Variants in SPATA1 observed in about 807,000 individuals in gnomAD.
The protein encoded by SPATA1 is spermatogenesis associated 1.
A neutral mutation model predicts 59.6 loss-of-function variants in SPATA1; 57 were observed. The ratio of observed to expected loss-of-function variants is 0.96; its 90% confidence interval spans 0.77 to 1.19. The LOEUF is 1.19. Ranked by LOEUF, SPATA1 falls within the 50% of genes most tolerant of loss-of-function variation. The probability of loss-of-function intolerance (pLI) is 0.00; values close to 1 mark genes in which losing one functional copy is unlikely to be tolerated. For synonymous variants in SPATA1, 147 were observed against 163.9 expected, an observed-to-expected ratio of 0.90 and a Z score of 0.79; for missense variants, 448 against 480.7, an observed-to-expected ratio of 0.93 and a Z score of 0.64.
chr1:84,555,075 T>C, downstream of SPATA1: 1 of 1,613,962 alleles, frequency 6.2e-7, no homozygotes, highest in Non-Finnish European at 8.5e-7. Flanking sequence ...ATCTCCAGAG[T>C]AGTCAAGACA....
At chr1:84,531,590 T>C (rs2101968211) in intron 6 of SPATA1, among the ~76,000 whole-genome samples, 1 of 149,858 alleles carries the variant, frequency 6.7e-6, no homozygotes, top group Non-Finnish European at 1.5e-5. Flanking sequence ...TTTTTTTTTT[T>C]TGAGACAGGG....
At chr1:84,530,510 A>G (rs1683425671) in intron 6 of SPATA1, among the ~76,000 whole-genome samples, 1 of 152,190 alleles carries the variant, frequency 6.6e-6, no homozygotes, top group Admixed American at 6.5e-5. Flanking sequence ...ATGGGAAGCA[A>G]TCTGAAGTTT....
In SPATA1 at chr1:84,526,754, G is replaced by A. The variant is rs147452076; in HGVS notation, c.544+681G>A. 1.9e-4 allele frequency among the ~76,000 whole-genome samples: 29 copies of A among 151,790 alleles called. No individual in the cohort carries two copies. The East Asian group carries it at 3.1e-3, about 16-fold the overall frequency. On this transcript the variant is annotated intron_variant, in intron 6 of 12. Transcript: ENST00000490879. ...CTGGTGGCACATGCCTGTAGTCCCA[G>A]CTACTCAGGAGACTGAAGCAGGAGG...
chr1:84,517,479 G>A (rs989760207), intron 2 of SPATA1, among the ~76,000 whole-genome samples: 4 of 152,014 alleles, frequency 2.6e-5, no homozygotes, highest in Non-Finnish European at 5.9e-5. Context: ...AACTGACATC[G>A]CCACTTGGAT....
At chr1:84,550,859 C>T in intron 12 of SPATA1, 1 of 990,198 alleles carries the variant, frequency 1.0e-6, no homozygotes, top group Non-Finnish European at 1.2e-6. Context: ...GTCTGATAAA[C>T]CACTGAGCTC....
chr1:84,561,828 G>T (rs556713367), intron 4 of SPATA1, among the ~76,000 whole-genome samples: 19 of 152,246 alleles, frequency 1.2e-4, no homozygotes, highest in African/African-American at 4.3e-4. Context: ...TTAAATTAAG[G>T]TATGTACTTT....
At chr1:84,561,938 AT>A (rs924794594) in intron 4 of SPATA1, among the ~76,000 whole-genome samples, 1 of 152,162 alleles carries the variant, frequency 6.6e-6, no homozygotes, top group Admixed American at 6.5e-5. Flanking sequence ...CACTTGCTTT[AT>A]TGCTATATTT....
intron 8 of SPATA1, among the ~76,000 whole-genome samples, chr1:84,543,096 A>C (rs1415476511): frequency 6.6e-6 from 1 of 152,190 alleles, no homozygotes; most frequent in Non-Finnish European, 1.5e-5. Flanking sequence ...CTCTCTCTCT[A>C]AAAGTATCTT....
intron 6 of SPATA1, among the ~76,000 whole-genome samples, chr1:84,532,518 G>A (rs981440079): frequency 6.6e-6 from 1 of 151,960 alleles, no homozygotes. Context: ...TTATATTTCA[G>A]GAAACCCCCA....
At chr1:84,550,809 A>G in intron 12 of SPATA1, 1 of 1,016,362 alleles carries the variant, frequency 9.8e-7, no homozygotes, top group Non-Finnish European at 1.2e-6. Flanking sequence ...TATATTCTCA[A>G]AAAAAATTTT....
chr1:84,555,056 G>A, downstream of SPATA1: 1 of 1,613,864 alleles, frequency 6.2e-7, no homozygotes, highest in Non-Finnish European at 8.5e-7. Flanking sequence ...TTTGCTGTTT[G>A]GCTACAGCAT....
intron 4 of SPATA1, among the ~76,000 whole-genome samples, chr1:84,562,256 CTGTG>C (rs1684609246): frequency 6.6e-6 from 1 of 152,150 alleles, no homozygotes; most frequent in Non-Finnish European, 1.5e-5. Context: ...ACATGTGCAT[CTGTG>C]TGTGTAATAT....
chr1:84,552,951 A>C, intron 12 of SPATA1: 1 of 908,980 alleles, frequency 1.1e-6, no homozygotes, highest in Non-Finnish European at 1.7e-6. Context: ...AAGCGGTTAC[A>C]AAAACCCTGT....
intron 1 of SPATA1, among the ~76,000 whole-genome samples, chr1:84,513,163 A>G (rs552716223): frequency 3.3e-4 from 51 of 152,312 alleles, no homozygotes; most frequent in African/African-American, 1.2e-3. Context: ...CTTGTTGCCC[A>G]GGCTAGAGTG....
Position 84,550,477 on chromosome 1 carries a change from C to T in SPATA1, c.1171C>T (p.Gln391Ter). The change falls in exon 12 of 13, where the codon CAG becomes TAG. Residue 391 changes from glutamine (Q) to a stop codon, truncating the protein, a stop_gained. Transcript: ENST00000490879. LOFTEE classifies it high-confidence loss of function. Reference sequence around the variant, plus strand: ...CACTGAGGTACAGCATGCAATTGACCAGCTTAAGAGAAAACTAGATACTGA... The same window carrying T: ...CACTGAGGTACAGCATGCAATTGACTAGCTTAAGAGAAAACTAGATACTGA... The T allele has an allele frequency of 6.4e-7, 1 of 1,566,016 alleles. No individual in the cohort carries two copies. The highest frequency in any genetic ancestry group is 8.7e-7 in the Non-Finnish European group (1 of 1,154,702).
rs1026112722 is a variant in SPATA1, at chr1:84,549,046, T to C, written c.1125+82T>C. 8 of 1,292,226 alleles carry C rather than the reference T, an allele frequency of 6.2e-6. No individual in the cohort carries two copies. In the East Asian group the frequency reaches 1.4e-4, roughly 22 times the overall value. The allele number at this position is 1,292,226 out of a possible 1,614,324, so 80.0% of individuals were successfully genotyped here. On this transcript the variant is annotated intron_variant, in intron 11 of 12. Coordinates refer to ENST00000490879, the Ensembl canonical transcript of SPATA1. ...TATAAGTGCTAGTAGTATCACAAGA[T>C]GCATTAGGCTAACTTTGACTTAAAC...
At chr1:84,519,226 A>C (rs1682919637) in intron 2 of SPATA1, among the ~76,000 whole-genome samples, 2 of 152,096 alleles carry the variant, frequency 1.3e-5, no homozygotes, top group South Asian at 4.1e-4. Flanking sequence ...AGTATGTGCC[A>C]TACCTTGTAA....
intron 3 of SPATA1, among the ~76,000 whole-genome samples, chr1:84,521,882 C>T (rs924555601): frequency 7.2e-5 from 11 of 152,144 alleles, no homozygotes; most frequent in African/African-American, 2.2e-4. Context: ...AAAACAAGAA[C>T]TCAGATGATA....
chr1:84,522,382 T>A lies in SPATA1; in HGVS notation c.144-8T>A. 7.1e-7 allele frequency: 1 copy of A among 1,404,830 alleles called. No homozygotes were observed. Among genetic ancestry groups the A allele is most frequent in the Non-Finnish European group, 9.5e-7 (1 of 1,057,840 alleles). 87.0% of individuals were successfully genotyped at this position (1,404,830 alleles called of 1,614,324 possible). Reference sequence around the variant, plus strand: ...TTTATATTATAAGGCAATTTTATAATATTTCAGAGTATCTCCTCAACTTAC... The same window carrying A: ...TTTATATTATAAGGCAATTTTATAAAATTTCAGAGTATCTCCTCAACTTAC... On this transcript the variant is annotated splice_region_variant and splice_polypyrimidine_tract_variant and intron_variant, in intron 3 of 12. Coordinates refer to ENST00000490879, the Ensembl canonical transcript of SPATA1.
Sources: gnomAD v4.1 joint callset for allele counts (sites outside exome capture counted in the v4.1 genomes callset) on GRCh38, gnomAD v4.1.1 for gene constraint, MANE v1.5 for transcripts, NCBI Gene and HGNC (gene_info 2026-07-23, HGNC 2026-07-21) for gene names.